CCDC85C: variants seen among roughly 807,000 people sequenced by gnomAD.
The protein encoded by CCDC85C is coiled-coil domain containing 85C.
Under a neutral mutation model 38.3 loss-of-function variants are expected in CCDC85C, and 18 were observed. The ratio of observed to expected loss-of-function variants is 0.47; its 90% CI spans 0.33 to 0.70. The LOEUF is 0.70. Among genes scored for constraint, CCDC85C ranks in the 30% least tolerant of loss-of-function variants. CCDC85C has a pLI of 0.03. For synonymous variants in CCDC85C, 264 were observed against 293.8 expected (o/e 0.90, Z 1.04); for missense variants, 566 against 621.2 (o/e 0.91, Z 0.94).
At chr14:99,540,825 G>A (rs1897698406) in intron 1 of CCDC85C, among the ~76,000 whole-genome samples, 1 of 152,220 alleles carries the variant, frequency 6.6e-6, no homozygotes. Context: ...GGGGAAAGCT[G>A]TGCAGCATGG....
Position 99,603,088 on chromosome 14 carries a change from G to T in CCDC85C, c.793+79C>A. On this transcript the variant is annotated intron_variant, in intron 1 of 5. Coordinates refer to ENST00000380243, the MANE Select transcript of CCDC85C (RefSeq NM_001144995.2). This position sits in a 1 kb window ranked among gnomAD's most constrained non-coding sequence, Gnocchi z 7.5. ...CGGCCGCATGAGTGGGACAGCCAGG[G>T]ACCACCTCCTCTCGCCGCAGCCTGG... 1 of 1,274,304 alleles carries T rather than the reference G, an allele frequency of 7.8e-7. No homozygotes were observed. The allele number at this position is 1,274,304 out of a possible 1,614,324, so 78.9% of individuals were successfully genotyped here.
At chr14:99,540,708 C>G (rs978802227) in intron 1 of CCDC85C, among the ~76,000 whole-genome samples, 2 of 152,200 alleles carry the variant, frequency 1.3e-5, no homozygotes, top group Admixed American at 1.3e-4. Context: ...AGCTGCCAAC[C>G]GGGGAGGAGG....
rs770288405 is a variant in CCDC85C, at chr14:99,503,080, C to T, written c.*12166G>A. ...CATTTCTAAGCGAGCACAGGGAACA[C>T]CGGAAGCAGGGGGTGTTCGCCGAAA... On this transcript the variant is annotated 3_prime_UTR_variant, in exon 6 of 6. Transcript: ENST00000380243. 1.4e-6 allele frequency: 2 copies of T among 1,380,464 alleles called. No homozygotes were observed. The allele number at this position is 1,380,464 out of a possible 1,614,324, so 85.5% of individuals were successfully genotyped here.
chr14:99,542,299 A>G (rs968679393), intron 1 of CCDC85C, among the ~76,000 whole-genome samples: 5 of 152,254 alleles, frequency 3.3e-5, no homozygotes, highest in Non-Finnish European at 7.3e-5. Context: ...AGTAACAGGC[A>G]GGGCAGGGCC....
In CCDC85C at chr14:99,568,246, C is replaced by CTTTTTTTTTTTTTTTTTTTTTTTT. The variant is rs776784723; in HGVS notation, c.794-32159_794-32158insAAAAAAAAAAAAAAAAAAAAAAAA. Among the ~76,000 whole-genome samples, 2 of 114,488 alleles carry CTTTTTTTTTTTTTTTTTTTTTTTT rather than the reference C, an allele frequency of 1.7e-5. 1 individual carries two copies. Among genetic ancestry groups the CTTTTTTTTTTTTTTTTTTTTTTTT allele is most frequent in the African/African-American group, 7.6e-5 (2 of 26,376 alleles). 75.1% of individuals were successfully genotyped at this position (114,488 alleles called of 152,430 possible). On this transcript the variant is annotated intron_variant, in intron 1 of 5. Transcript: ENST00000380243. ...AGACACTCTCTGGAGGCCACCTGCC[C>CTTTTTTTTTTTTTTTTTTTTTTTT]TTTATTTTTTTTTTTTTTTTTTTTG... is the stretch of plus-strand genomic sequence containing the variant.
intron 1 of CCDC85C, among the ~76,000 whole-genome samples, chr14:99,590,386 CA>C (rs1216102405): frequency 1.3e-5 from 2 of 152,176 alleles, no homozygotes; most frequent in Non-Finnish European, 2.9e-5. Flanking sequence ...GTGGCAGGCT[CA>C]CCAGAAACCC....
rs1897842548 is a variant in CCDC85C at position 99,548,224 on chromosome 14, A to G, written c.794-12136T>C. Among the ~76,000 whole-genome samples, 1 of 152,098 alleles carries G rather than the reference A, an allele frequency of 6.6e-6. No individual in the cohort carries two copies. The highest frequency in any genetic ancestry group is 1.5e-5 in the Non-Finnish European group (1 of 68,020). ...CCAGAATCCCTAACATCAATAAGGAAATACATGGGAAGGGGCAGAGGTATA... is the reference window on the plus strand; with the variant it reads ...CCAGAATCCCTAACATCAATAAGGAGATACATGGGAAGGGGCAGAGGTATA... On this transcript the variant is annotated intron_variant, in intron 1 of 5. Transcript: ENST00000380243. This position sits in a 1 kb window ranked among gnomAD's most constrained non-coding sequence, Gnocchi z 4.9.
chr14:99,566,312 A>C (rs1898214717), intron 1 of CCDC85C, among the ~76,000 whole-genome samples: 1 of 147,412 alleles, frequency 6.8e-6, no homozygotes, highest in Non-Finnish European at 1.5e-5. Context: ...CTCCAAGGTA[A>C]GCACTATCAG....
At chr14:99,565,874 A>G (rs1415006966) in intron 1 of CCDC85C, among the ~76,000 whole-genome samples, 2 of 152,152 alleles carry the variant, frequency 1.3e-5, no homozygotes, top group Non-Finnish European at 2.9e-5. Flanking sequence ...AAGAGGCAGG[A>G]TGATACACGA....
Position 99,520,956 on chromosome 14 carries a change from C to CATGCCTGAGGTGTGCTCTCCAGA in CCDC85C, c.975+1154_975+1176dup, listed in dbSNP as rs1271934310. On this transcript the variant is annotated intron_variant, in intron 3 of 5. Transcript: ENST00000380243. This position sits in a 1 kb window ranked among gnomAD's most constrained non-coding sequence, Gnocchi z 4.1. ...CACTCTCAGGCCTTGAGGCTCGGCC[C>CATGCCTGAGGTGTGCTCTCCAGA]ATGCCTGAGGTGTGCTCTCCAGAGG... 6.6e-6 allele frequency among the ~76,000 whole-genome samples: 1 copy of CATGCCTGAGGTGTGCTCTCCAGA among 152,258 alleles called. No individual in the cohort carries two copies. Among genetic ancestry groups the CATGCCTGAGGTGTGCTCTCCAGA allele is most frequent in the Non-Finnish European group, 1.5e-5 (1 of 68,044 alleles).
In CCDC85C at chr14:99,512,317, G is replaced by A. The variant is rs1213007672; in HGVS notation, c.*2929C>T. 1 of 151,846 alleles carries A rather than the reference G, an allele frequency of 6.6e-6. No homozygotes were observed. Among genetic ancestry groups the A allele is most frequent in the Non-Finnish European group, 1.5e-5 (1 of 68,008 alleles). 9.4% of individuals were successfully genotyped at this position (151,846 alleles called of 1,614,324 possible). A position where few individuals can be genotyped will look rare whatever the true frequency, so the allele number is the denominator to read the frequency against. On this transcript the variant is annotated 3_prime_UTR_variant, in exon 6 of 6. Coordinates refer to ENST00000380243, the MANE Select transcript of CCDC85C (RefSeq NM_001144995.2). ...AAATAGACGTAGCTGCCGGGCCCGG[G>A]GACAGAAACCAGACGTTCCAGTCCA... is the stretch of plus-strand genomic sequence containing the variant.
At chr14:99,578,467 G>T (rs1254955586) in intron 1 of CCDC85C, among the ~76,000 whole-genome samples, 1 of 152,116 alleles carries the variant, frequency 6.6e-6, no homozygotes, top group Non-Finnish European at 1.5e-5. Context: ...GTTCTTAAAT[G>T]GTAGTGATGT....
At chr14:99,518,311 C>T (rs1019831774) in intron 3 of CCDC85C, among the ~76,000 whole-genome samples, 6 of 152,126 alleles carry the variant, frequency 3.9e-5, no homozygotes, top group Non-Finnish European at 7.4e-5. Flanking sequence ...CCCGCCTCCA[C>T]ATGGAGACCA....
At position 99,507,082 on chromosome 14, in the gene CCDC85C, C is replaced by A; in HGVS notation, c.*8164G>T. ...ATCTGCTTTTTCTTTGTAGAACCACCACCACCTAAAATCCCCAAAATTGAG... is the reference window on the plus strand; with the variant it reads ...ATCTGCTTTTTCTTTGTAGAACCACAACCACCTAAAATCCCCAAAATTGAG... On this transcript the variant is annotated 3_prime_UTR_variant, in exon 6 of 6. Coordinates refer to ENST00000380243, the MANE Select transcript of CCDC85C (RefSeq NM_001144995.2). The A allele has an allele frequency of 6.2e-7, 1 of 1,604,506 alleles. No individual in the cohort carries two copies. The highest frequency in any genetic ancestry group is 8.5e-7 in the Non-Finnish European group (1 of 1,171,382).
At position 99,502,475 on chromosome 14, in the gene CCDC85C, A is replaced by T; in HGVS notation, c.*12771T>A. The stretch of plus-strand genomic sequence containing the variant: ...CAAGAATGGATTTTCCCAGATAGAC[A>T]TATGTGAGCAATATTTCAGAAGCAT... On this transcript the variant is annotated 3_prime_UTR_variant, in exon 6 of 6. Transcript: ENST00000380243. The T allele has an allele frequency of 6.8e-7, 1 of 1,466,520 alleles. No individual in the cohort carries two copies. Among genetic ancestry groups the T allele is most frequent in the Non-Finnish European group, 9.1e-7 (1 of 1,099,392 alleles). 90.8% of individuals were successfully genotyped at this position (1,466,520 alleles called of 1,614,324 possible). A position where few individuals can be genotyped will look rare whatever the true frequency, so the allele number is the denominator to read the frequency against.
At chr14:99,596,291 G>C (rs1199087175) in intron 1 of CCDC85C, among the ~76,000 whole-genome samples, 1 of 152,196 alleles carries the variant, frequency 6.6e-6, no homozygotes, top group East Asian at 1.9e-4. Flanking sequence ...ATTACAACTG[G>C]GAAGGGAAAA....
Position 99,510,684 on chromosome 14 carries a change from G to T in CCDC85C, c.*4562C>A. Reference sequence around the variant, plus strand: ...GCCGCCAGCCAGCTACCCACCTCCTGCCGTCCCCCCTGGAGGACAGCCTCC... The same window carrying T: ...GCCGCCAGCCAGCTACCCACCTCCTTCCGTCCCCCCTGGAGGACAGCCTCC... On this transcript the variant is annotated 3_prime_UTR_variant, in exon 6 of 6. Coordinates refer to ENST00000380243, the MANE Select transcript of CCDC85C (RefSeq NM_001144995.2). The T allele has an allele frequency of 7.1e-7, 1 of 1,411,546 alleles. No individual in the cohort carries two copies. Among genetic ancestry groups the T allele is most frequent in the Non-Finnish European group, 9.2e-7 (1 of 1,081,540 alleles). 87.4% of individuals were successfully genotyped at this position (1,411,546 alleles called of 1,614,324 possible). A position where few individuals can be genotyped will look rare whatever the true frequency, so the allele number is the denominator to read the frequency against.
In CCDC85C at chr14:99,535,594, G is replaced by A. The variant is rs1388257573; in HGVS notation, c.867+421C>T. Among the ~76,000 whole-genome samples the A allele has an allele frequency of 6.6e-6, 1 of 152,128 alleles. No homozygotes were observed. The highest frequency in any genetic ancestry group is 1.9e-4 in the East Asian group (1 of 5,178). ...CCTCATCTGTCTGTGGGTGAGGTCG[G>A]GCCCAGGAGGGAGGAGGGGAACCCA... On this transcript the variant is annotated intron_variant, in intron 2 of 5. Coordinates refer to ENST00000380243, the MANE Select transcript of CCDC85C (RefSeq NM_001144995.2). This position sits in a 1 kb window ranked among gnomAD's most constrained non-coding sequence, Gnocchi z 5.5.
intron 1 of CCDC85C, among the ~76,000 whole-genome samples, chr14:99,556,666 G>A (rs771541990): frequency 2.0e-5 from 3 of 152,036 alleles, no homozygotes; most frequent in Non-Finnish European, 4.4e-5. Flanking sequence ...TGGAACCACA[G>A]ACATATGTCA....
Sources: gnomAD v4.1 joint callset for allele counts (sites outside exome capture counted in the v4.1 genomes callset) on GRCh38, gnomAD v4.1.1 for gene constraint, Gnocchi (gnomAD v3.1) non-coding constraint, MANE v1.5 for transcripts, NCBI Gene and HGNC (gene_info 2026-07-23, HGNC 2026-07-21) for gene names.